ZNF516: variants seen among roughly 807,000 people sequenced by gnomAD.
ZNF516 encodes the protein zinc finger protein 516.
In ZNF516, 19 loss-of-function variants were observed where a neutral mutation model predicts 79.7. The observed-to-expected ratio is 0.24, with a 90% CI of 0.17 to 0.35. The LOEUF is 0.35. Ranked by LOEUF, ZNF516 falls within the 10% of genes least tolerant of loss-of-function variation. The pLI is 1.00. For missense variants in ZNF516, 1,678 were observed against 1,679.5 expected, an observed-to-expected ratio of 1.00 and a Z score of 0.02; for synonymous variants, 877 against 739.5, an observed-to-expected ratio of 1.19 and a Z score of -3.02.
At chr18:76,494,244 C>G (rs1915386204) in intron 1 of ZNF516, among the ~76,000 whole-genome samples, 1 of 152,192 alleles carries the variant, frequency 6.6e-6, no homozygotes, top group African/African-American at 2.4e-5. Flanking sequence ...AAATACTGAT[C>G]GTAACTATTC....
intron 1 of ZNF516, among the ~76,000 whole-genome samples, chr18:76,474,211 G>A (rs1914047455): frequency 6.6e-6 from 1 of 152,304 alleles, no homozygotes; most frequent in South Asian, 2.1e-4. Context: ...AGCAAAAGTA[G>A]TAAGAAACAG....
chr18:76,381,845 G>A (rs1262305064), intron 3 of ZNF516, among the ~76,000 whole-genome samples: 1 of 152,196 alleles, frequency 6.6e-6, no homozygotes. Flanking sequence ...TTTAAATAAA[G>A]TCAAGGCTGG....
intron 1 of ZNF516, among the ~76,000 whole-genome samples, chr18:76,477,143 C>G (rs1287315984): frequency 1.3e-5 from 2 of 152,144 alleles, no homozygotes; most frequent in Non-Finnish European, 2.9e-5. Context: ...TGAGTCATAT[C>G]GTTTGGACTT....
At chr18:76,398,749 G>A (rs2075178579) in intron 3 of ZNF516, among the ~76,000 whole-genome samples, 1 of 152,190 alleles carries the variant, frequency 6.6e-6, no homozygotes. Context: ...CTCAGGAAGA[G>A]AAATAACACT....
chr18:76,426,910 C>T (rs1409357119), intron 3 of ZNF516, among the ~76,000 whole-genome samples: 1 of 152,216 alleles, frequency 6.6e-6, no homozygotes, highest in Non-Finnish European at 1.5e-5. Context: ...CCTAGCGGCT[C>T]CTCCCAGGCA....
intron 1 of ZNF516, among the ~76,000 whole-genome samples, chr18:76,470,375 T>C (rs1192759267): frequency 1.3e-5 from 2 of 152,202 alleles, no homozygotes; most frequent in African/African-American, 4.8e-5. Context: ...AACACAAGTA[T>C]GCTTTAACAG....
chr18:76,409,326 T>G (rs528470355), intron 3 of ZNF516, among the ~76,000 whole-genome samples: 1 of 152,368 alleles, frequency 6.6e-6, no homozygotes, highest in East Asian at 1.9e-4. Context: ...AAATATTCAT[T>G]ATTGAAATTA....
At chr18:76,414,180 C>T (rs1008914671) in intron 3 of ZNF516, among the ~76,000 whole-genome samples, 3 of 152,166 alleles carry the variant, frequency 2.0e-5, no homozygotes, top group African/African-American at 7.2e-5. Context: ...TGTTGTTTGG[C>T]TTTCAGCATT....
intron 3 of ZNF516, among the ~76,000 whole-genome samples, chr18:76,392,149 AG>A (rs1427848545): frequency 2.6e-5 from 4 of 152,234 alleles, no homozygotes; most frequent in African/African-American, 9.6e-5. Flanking sequence ...GCCAAGGGAC[AG>A]GCCTTACATC....
At chr18:76,465,239 T>G (rs1913388312) in intron 1 of ZNF516, among the ~76,000 whole-genome samples, 1 of 152,222 alleles carries the variant, frequency 6.6e-6, no homozygotes, top group Admixed American at 6.5e-5. Context: ...AGACCAAGGT[T>G]TCGGGTTATG....
At chr18:76,473,898 T>TTG (rs538095992) in intron 1 of ZNF516, among the ~76,000 whole-genome samples, 10,739 of 27,598 alleles carry the variant, frequency 0.39, 1,962 homozygotes, top group Non-Finnish European at 0.47. Context: ...TTGGTTGTTT[T>TTG]TGTGTGGGGG....
At chr18:76,433,908 C>T in intron 3 of ZNF516, among the ~76,000 whole-genome samples, 1 of 152,176 alleles carries the variant, frequency 6.6e-6, no homozygotes. Flanking sequence ...CCCAGCTCCA[C>T]AGGGGTGCAC....
chr18:76,487,602 C>A (rs1471979567), intron 1 of ZNF516, among the ~76,000 whole-genome samples: 1 of 152,144 alleles, frequency 6.6e-6, no homozygotes, highest in Non-Finnish European at 1.5e-5. Flanking sequence ...TAAATGTAAA[C>A]ATTTGACATG....
At chr18:76,392,106 G>T (rs1198345646) in intron 3 of ZNF516, among the ~76,000 whole-genome samples, 1 of 152,246 alleles carries the variant, frequency 6.6e-6, no homozygotes, top group African/African-American at 2.4e-5. Context: ...AGCCAGCGCA[G>T]ACTCGGCCAC....
Position 76,359,628 on chromosome 18 carries a change from A to G in ZNF516, c.*2870T>C, listed in dbSNP as rs1162935250. On this transcript the variant is annotated 3_prime_UTR_variant, in exon 7 of 7. Coordinates refer to ENST00000443185, the MANE Select transcript of ZNF516 (RefSeq NM_014643.4). Reference sequence around the variant, plus strand: ...CCCCAGCAGGGGCAGAGCGGGAAGCAGCGAGCGGAAAGCAGGGGAGAGACA... The same window carrying G: ...CCCCAGCAGGGGCAGAGCGGGAAGCGGCGAGCGGAAAGCAGGGGAGAGACA... 1 of 152,284 alleles carries G rather than the reference A, an allele frequency of 6.6e-6. No individual in the cohort carries two copies. The highest frequency in any genetic ancestry group is 1.5e-5 in the Non-Finnish European group (1 of 68,088). 9.4% of individuals were successfully genotyped at this position (152,284 alleles called of 1,614,324 possible).
intron 3 of ZNF516, among the ~76,000 whole-genome samples, chr18:76,380,875 C>T (rs989475541): frequency 4.6e-5 from 7 of 152,210 alleles, no homozygotes; most frequent in Admixed American, 1.3e-4. Context: ...TCCCTCCCTA[C>T]GCATCTCTCC....
At chr18:76,440,678 T>C (rs1031412029) in intron 3 of ZNF516, among the ~76,000 whole-genome samples, 6 of 152,194 alleles carry the variant, frequency 3.9e-5, no homozygotes, top group African/African-American at 1.2e-4. Flanking sequence ...TAATTATAAC[T>C]GCACACCAAT....
At chr18:76,436,683 CG>C (rs1568289428) in intron 3 of ZNF516, among the ~76,000 whole-genome samples, 1 of 152,068 alleles carries the variant, frequency 6.6e-6, no homozygotes, top group Admixed American at 6.6e-5. Flanking sequence ...CAGGCTTGGC[CG>C]CACAGGCAGA....
Position 76,475,623 on chromosome 18 carries a change from C to T in ZNF516, c.-271-12482G>A, listed in dbSNP as rs117067407. On this transcript the variant is annotated intron_variant, in intron 1 of 6. Coordinates refer to ENST00000443185, the MANE Select transcript of ZNF516 (RefSeq NM_014643.4). ...GACAAAGAAAGGCGGCTCCACAGGG[C>T]AGCAGCCAGCTGGCACACACGGGCA... is the stretch of plus-strand genomic sequence containing the variant. Among the ~76,000 whole-genome samples the T allele has an allele frequency of 6.8e-3, 1,034 of 152,284 alleles. 20 individuals are homozygous for T. Among genetic ancestry groups the T allele is most frequent in the East Asian group, 0.049 (254 of 5,176 alleles).
Sources: allele counts gnomAD v4.1 joint callset (sites outside exome capture counted in the v4.1 genomes callset), GRCh38; gene constraint gnomAD v4.1.1; transcripts MANE v1.5; gene names NCBI Gene and HGNC (gene_info 2026-07-23, HGNC 2026-07-21).